Variants in TMEM184B observed in about 807,000 individuals in gnomAD.
TMEM184B encodes transmembrane protein 184B.
Under a neutral mutation model 41.8 loss-of-function variants are expected in TMEM184B, and 17 were observed. That is an observed-to-expected ratio of 0.41 (90% CI 0.28 to 0.61). The LOEUF is 0.61. TMEM184B is among the 20% of genes least tolerant of loss of function. TMEM184B has a pLI of 0.34. For synonymous variants in TMEM184B, 240 were observed against 229.5 expected, an observed-to-expected ratio of 1.05 and a Z score of -0.41; for missense variants, 393 against 557.8, an observed-to-expected ratio of 0.70 and a Z score of 2.98.
intron 1 of TMEM184B, among the ~76,000 whole-genome samples, chr22:38,251,847 G>C (rs2092170699): frequency 6.6e-6 from 1 of 151,950 alleles, no homozygotes; most frequent in South Asian, 2.1e-4. Context: ...GCAAACAGAT[G>C]AGGCTCAGAA....
intron 3 of TMEM184B, among the ~76,000 whole-genome samples, chr22:38,238,328 C>T (rs548733523): frequency 2.6e-5 from 4 of 150,960 alleles, no homozygotes; most frequent in South Asian, 2.1e-4. Context: ...TGGGTTCAAG[C>T]GATTCTCCTG....
At chr22:38,231,602 G>T in intron 3 of TMEM184B, 1 of 593,026 alleles carries the variant, frequency 1.7e-6, no homozygotes, top group Non-Finnish European at 3.1e-6. Context: ...GGACTGTCGT[G>T]AGTTCAGGGT....
Position 38,247,935 on chromosome 22 carries a change from G to A in TMEM184B, c.27C>T (p.Ala9=). 2 of 1,591,190 alleles carry A rather than the reference G, an allele frequency of 1.3e-6. No homozygotes were observed. Among genetic ancestry groups the A allele is most frequent in the African/African-American group, 2.7e-5 (2 of 74,864 alleles). The change falls in exon 2 of 9, where the codon GCC becomes GCT. Residue 9 remains alanine (A), a synonymous_variant. Transcript: ENST00000361906. MTVRGDVL[A]PDPASPTTAA... is the part of the protein sequence containing the mutation. ...CGGTCGTGGGCGACGCTGGATCCGGGGCCAGCACATCCCCCCTCACTGTCA... is the reference window on the plus strand; with the variant it reads ...CGGTCGTGGGCGACGCTGGATCCGGAGCCAGCACATCCCCCCTCACTGTCA...
chr22:38,231,363 G>A, intron 3 of TMEM184B, 29 bp from the exon 4 acceptor site: 1 of 1,577,392 alleles, frequency 6.3e-7, no homozygotes, highest in Non-Finnish European at 8.7e-7. Context: ...GGAGAAACCA[G>A]TCAAATCAGC....
intron 1 of TMEM184B, among the ~76,000 whole-genome samples, chr22:38,261,824 G>A (rs551726872): frequency 1.3e-5 from 2 of 152,308 alleles, no homozygotes; most frequent in Non-Finnish European, 2.9e-5. Context: ...CCCTGTACCT[G>A]CTCTGTCCCT....
At chr22:38,231,440 G>T (rs768288546) in intron 3 of TMEM184B, 106 bp from the exon 4 acceptor site, 1 of 928,098 alleles carries the variant, frequency 1.1e-6, no homozygotes, top group Non-Finnish European at 1.8e-6. Context: ...GCTGTGTGTG[G>T]CAACAGGGAG....
chr22:38,220,462 G>A lies in TMEM184B; in HGVS notation c.*1007C>T, dbSNP rs1602347578. On this transcript the variant is annotated 3_prime_UTR_variant, in exon 9 of 9. Transcript: ENST00000361906. ...GATAGGGGCCCCGAGAGGAGTCTGG[G>A]ACCATTCCCCCCACCTCCCAGCTCC... 2 of 985,888 alleles carry A rather than the reference G, an allele frequency of 2.0e-6. No homozygotes were observed. The highest frequency in any genetic ancestry group is 2.4e-6 in the Non-Finnish European group (2 of 830,010). 61.1% of individuals were successfully genotyped at this position (985,888 alleles called of 1,614,324 possible).
chr22:38,259,946 T>C (rs989215870), intron 1 of TMEM184B, among the ~76,000 whole-genome samples: 2 of 146,540 alleles, frequency 1.4e-5, no homozygotes, highest in African/African-American at 5.1e-5. Flanking sequence ...TGGCTTTTTT[T>C]TTTTTTTTTT....
intron 3 of TMEM184B, among the ~76,000 whole-genome samples, chr22:38,236,803 T>C (rs1470920286): frequency 6.6e-6 from 1 of 152,112 alleles, no homozygotes; most frequent in Non-Finnish European, 1.5e-5. Flanking sequence ...AAGAAACCAT[T>C]TCTAACGGGC....
intron 5 of TMEM184B, among the ~76,000 whole-genome samples, chr22:38,227,813 C>T (rs1291220366): frequency 6.6e-6 from 1 of 152,162 alleles, no homozygotes; most frequent in African/African-American, 2.4e-5. Flanking sequence ...GCACTAACGG[C>T]GCCTGCTAGC....
chr22:38,260,890 C>T (rs1433669265), intron 1 of TMEM184B, among the ~76,000 whole-genome samples: 1 of 152,200 alleles, frequency 6.6e-6, no homozygotes, highest in Non-Finnish European at 1.5e-5. Context: ...CCACGAAGTG[C>T]TCACTCAGGC....
At chr22:38,255,844 C>CA (rs1487428480) in intron 1 of TMEM184B, among the ~76,000 whole-genome samples, 2 of 152,266 alleles carry the variant, frequency 1.3e-5, no homozygotes, top group Admixed American at 1.3e-4. Flanking sequence ...AAAGATGGAG[C>CA]ATGGTGTAGT....
chr22:38,227,303 C>T (rs977359376), intron 5 of TMEM184B, among the ~76,000 whole-genome samples: 2 of 152,068 alleles, frequency 1.3e-5, no homozygotes, highest in African/African-American at 4.8e-5. Flanking sequence ...AGATGAGAGG[C>T]TCGACAGGCA....
chr22:38,266,715 T>C (rs2092448805), intron 1 of TMEM184B, among the ~76,000 whole-genome samples: 1 of 152,242 alleles, frequency 6.6e-6, no homozygotes, highest in African/African-American at 2.4e-5. Flanking sequence ...ACCTGAACCA[T>C]GATTACTTCT....
At chr22:38,261,996 A>G (rs1439172143) in intron 1 of TMEM184B, among the ~76,000 whole-genome samples, 1 of 152,186 alleles carries the variant, frequency 6.6e-6, no homozygotes, top group Non-Finnish European at 1.5e-5. Flanking sequence ...GAATGAATTC[A>G]CCGAAGAGGC....
At chr22:38,251,327 T>C (rs1195135599) in intron 1 of TMEM184B, among the ~76,000 whole-genome samples, 2 of 152,226 alleles carry the variant, frequency 1.3e-5, no homozygotes, top group East Asian at 3.8e-4. Flanking sequence ...AGTAACATTA[T>C]CTCCATCTTA....
intron 1 of TMEM184B, among the ~76,000 whole-genome samples, chr22:38,267,062 C>T (rs968569116): frequency 6.8e-6 from 1 of 146,598 alleles, no homozygotes; most frequent in African/African-American, 2.5e-5. Flanking sequence ...TCTGCCTGGG[C>T]GACAGAGCAA....
chr22:38,264,934 C>T (rs143036219), intron 1 of TMEM184B, among the ~76,000 whole-genome samples: 72 of 152,330 alleles, frequency 4.7e-4, no homozygotes, highest in African/African-American at 1.7e-3. Flanking sequence ...TCAAATCATA[C>T]TTACATGCTC....
At chr22:38,243,506 G>A (rs1475262023) in intron 3 of TMEM184B, among the ~76,000 whole-genome samples, 2 of 152,218 alleles carry the variant, frequency 1.3e-5, no homozygotes, top group Non-Finnish European at 2.9e-5. Context: ...TGCGAGGCTG[G>A]CAGCTGAATG....
Sources: allele counts gnomAD v4.1 joint callset (sites outside exome capture counted in the v4.1 genomes callset), GRCh38; gene constraint gnomAD v4.1.1; transcripts MANE v1.5; gene names NCBI Gene and HGNC (gene_info 2026-07-23, HGNC 2026-07-21).